The following ANKRD12 variants were observed in gnomAD, a reference collection of about 807,000 sequenced individuals.
ANKRD12 encodes ankyrin repeat domain-containing protein 12.
A neutral mutation model predicts 183.4 loss-of-function variants in ANKRD12; 85 were observed. That is an observed-to-expected ratio of 0.46 (90% CI 0.39 to 0.56). The LOEUF is 0.56. ANKRD12 is among the 20% of genes least tolerant of loss of function. The pLI is 0.00. For synonymous variants in ANKRD12, 914 were observed against 800.2 expected (o/e 1.14, Z -2.40); for missense variants, 2,405 against 2,357.1 (o/e 1.02, Z -0.42).
intron 8 of ANKRD12, among the ~76,000 whole-genome samples, chr18:9,244,447 G>T (rs1376058156): frequency 2.6e-5 from 4 of 152,024 alleles, no homozygotes; most frequent in Non-Finnish European, 5.9e-5. Flanking sequence ...AGCTTCCTGA[G>T]TAGCTGGGAC....
At chr18:9,171,919 C>A (rs1465066612) in intron 1 of ANKRD12, among the ~76,000 whole-genome samples, 3 of 151,260 alleles carry the variant, frequency 2.0e-5, no homozygotes, top group African/African-American at 7.3e-5. Context: ...ACTTGGGAGG[C>A]TGAGGCAGGA....
Position 9,282,554 on chromosome 18 carries a change from T to C in ANKRD12, c.*1428T>C, listed in dbSNP as rs2040138344. On this transcript the variant is annotated 3_prime_UTR_variant, in exon 13 of 13. Coordinates refer to ENST00000262126, the MANE Select transcript of ANKRD12 (RefSeq NM_015208.5). ...GTCTGAAATCTGCTGCTGAACTTGT[T>C]AGACATTTTTGAAAGGAAAATTAGG... is the stretch of plus-strand genomic sequence containing the variant. 6.6e-6 allele frequency: 1 copy of C among 152,568 alleles called. No homozygotes were observed. The highest frequency in any genetic ancestry group is 1.5e-5 in the Non-Finnish European group (1 of 67,986). 9.5% of individuals were successfully genotyped at this position (152,568 alleles called of 1,614,324 possible). A position where few individuals can be genotyped will look rare whatever the true frequency, so the allele number is the denominator to read the frequency against.
intron 8 of ANKRD12, among the ~76,000 whole-genome samples, chr18:9,247,069 C>G (rs1241685720): frequency 1.3e-5 from 2 of 152,114 alleles, no homozygotes; most frequent in African/African-American, 2.4e-5. Flanking sequence ...TTGAAGTGTG[C>G]CAAGACAGTT....
intron 3 of ANKRD12, among the ~76,000 whole-genome samples, chr18:9,201,211 A>C (rs2035145428): frequency 6.6e-6 from 1 of 152,216 alleles, no homozygotes; most frequent in Non-Finnish European, 1.5e-5. Context: ...ATAAAGTGTA[A>C]TCAGTAACTG....
chr18:9,240,105 A>G (rs1396494836), intron 8 of ANKRD12, among the ~76,000 whole-genome samples: 1 of 152,192 alleles, frequency 6.6e-6, no homozygotes, highest in Non-Finnish European at 1.5e-5. Context: ...GTTTGGTACC[A>G]GCTCTTTATT....
At chr18:9,216,386 G>A (rs1187406606) in intron 6 of ANKRD12, among the ~76,000 whole-genome samples, 2 of 152,148 alleles carry the variant, frequency 1.3e-5, no homozygotes, top group Non-Finnish European at 2.9e-5. Context: ...TTTATTGTAA[G>A]AGTACAGTAT....
Position 9,211,574 on chromosome 18 carries a change from T to A in ANKRD12, c.452-10T>A, listed in dbSNP as rs767707285. On this transcript the variant is annotated splice_polypyrimidine_tract_variant and intron_variant, in intron 5 of 12. Coordinates refer to ENST00000262126, the MANE Select transcript of ANKRD12 (RefSeq NM_015208.5). ...CCTAGAACTTCTGCTAACTTTCTTCTTTCTTACAGATTCCACACCAAATCA... is the reference window on the plus strand; with the variant it reads ...CCTAGAACTTCTGCTAACTTTCTTCATTCTTACAGATTCCACACCAAATCA... 1.2e-5 allele frequency: 20 copies of A among 1,612,296 alleles called. No homozygotes were observed. The South Asian group carries it at 2.2e-4, about 18-fold the overall frequency.
chr18:9,182,370 T>A lies in ANKRD12; in HGVS notation c.-51-12T>A. 9.2e-7 allele frequency: 1 copy of A among 1,081,322 alleles called. No homozygotes were observed. The highest frequency in any genetic ancestry group is 1.4e-6 in the Non-Finnish European group (1 of 734,450). The allele number at this position is 1,081,322 out of a possible 1,614,324, so 67.0% of individuals were successfully genotyped here. A position where few individuals can be genotyped will look rare whatever the true frequency, so the allele number is the denominator to read the frequency against. On this transcript the variant is annotated splice_polypyrimidine_tract_variant and intron_variant, in intron 1 of 12. Transcript: ENST00000262126. ...TATATTCAAATAACCCTTATATATC[T>A]ATTCTTTACAGATCCAGGATGAGAA... is the stretch of plus-strand genomic sequence containing the variant.
At chr18:9,228,591 A>G (rs972957007) in intron 8 of ANKRD12, among the ~76,000 whole-genome samples, 3 of 152,018 alleles carry the variant, frequency 2.0e-5, no homozygotes, top group Non-Finnish European at 2.9e-5. Context: ...ATTTTTTCAT[A>G]TATTAGCCAT....
At position 9,254,207 on chromosome 18, in the gene ANKRD12, C is replaced by T. The variant is rs1255085373; in HGVS notation, c.944-4C>T. On this transcript the variant is annotated splice_region_variant and splice_polypyrimidine_tract_variant and intron_variant, in intron 8 of 12. Coordinates refer to ENST00000262126, the MANE Select transcript of ANKRD12 (RefSeq NM_015208.5). ...CACACCACATTTTCTTTTTTTTATT[C>T]TAGATTCCGAAGAGGCTCAATCTGT... is the stretch of plus-strand genomic sequence containing the variant. 12 of 1,487,300 alleles carry T rather than the reference C, an allele frequency of 8.1e-6. No homozygotes were observed. The highest frequency in any genetic ancestry group is 2.4e-5 in the East Asian group (1 of 40,862). The allele number at this position is 1,487,300 out of a possible 1,614,324, so 92.1% of individuals were successfully genotyped here. A position where few individuals can be genotyped will look rare whatever the true frequency, so the allele number is the denominator to read the frequency against.
At chr18:9,251,661 G>A (rs534057379) in intron 8 of ANKRD12, among the ~76,000 whole-genome samples, 3 of 152,200 alleles carry the variant, frequency 2.0e-5, no homozygotes, top group African/African-American at 7.2e-5. Context: ...ATGCGTGGTG[G>A]CAGGCGCCTG....
intron 1 of ANKRD12, among the ~76,000 whole-genome samples, chr18:9,149,025 C>G (rs1323603031): frequency 6.6e-6 from 1 of 152,084 alleles, no homozygotes; most frequent in Non-Finnish European, 1.5e-5. Flanking sequence ...CACACCAGCC[C>G]CATCTATATC....
intron 5 of ANKRD12, 97 bp downstream of exon 5, chr18:9,208,900 A>G: frequency 8.3e-7 from 1 of 1,202,046 alleles, no homozygotes; most frequent in Middle Eastern, 2.0e-4. Flanking sequence ...TTTAATTTTT[A>G]TTCTTTCTTG....
In ANKRD12 at chr18:9,251,224, A is replaced by T. The variant is rs187337835; in HGVS notation, c.944-2987A>T. On this transcript the variant is annotated intron_variant, in intron 8 of 12. Coordinates refer to ENST00000262126, the MANE Select transcript of ANKRD12 (RefSeq NM_015208.5). ...TTTTTTAAGAGATTTTGAGGGAGGGATTTCCACTATATACTGTTATCTCCC... is the reference window on the plus strand; with the variant it reads ...TTTTTTAAGAGATTTTGAGGGAGGGTTTTCCACTATATACTGTTATCTCCC... Among the ~76,000 whole-genome samples the T allele has an allele frequency of 3.8e-4, 58 of 152,194 alleles. No homozygotes were observed. In the Middle Eastern group the frequency reaches 0.021, roughly 54 times the overall value.
At chr18:9,215,328 A>C (rs2036034519) in intron 6 of ANKRD12, among the ~76,000 whole-genome samples, 1 of 152,118 alleles carries the variant, frequency 6.6e-6, no homozygotes, top group African/African-American at 2.4e-5. Context: ...TGAAGGGAAA[A>C]GGTAAACCCA....
chr18:9,220,910 T>C (rs1893729291), intron 7 of ANKRD12, among the ~76,000 whole-genome samples: 1 of 152,116 alleles, frequency 6.6e-6, no homozygotes, highest in Non-Finnish European at 1.5e-5. Context: ...TTCCATAAGA[T>C]TGATGGTAGC....
At chr18:9,203,959 C>G (rs2035332815) in intron 3 of ANKRD12, among the ~76,000 whole-genome samples, 2 of 152,170 alleles carry the variant, frequency 1.3e-5, no homozygotes, top group South Asian at 4.1e-4. Context: ...TACTTTCTTT[C>G]CAGACGGTCT....
At chr18:9,280,214 C>T (rs192611648) in intron 12 of ANKRD12, among the ~76,000 whole-genome samples, 51 of 152,266 alleles carry the variant, frequency 3.3e-4, no homozygotes, top group African/African-American at 1.2e-3. Context: ...ATTAGATTCT[C>T]ATAAGGAGCA....
chr18:9,157,585 G>GTATATATATA lies in ANKRD12; in HGVS notation c.-52+20626_-52+20635dup, dbSNP rs1380048925. Among the ~76,000 whole-genome samples the GTATATATATA allele has an allele frequency of 1.7e-3, 154 of 92,664 alleles. 1 individual carries two copies. Among genetic ancestry groups the GTATATATATA allele is most frequent in the African/African-American group, 7.7e-3 (147 of 19,026 alleles). The allele number at this position is 92,664 out of a possible 152,430, so 60.8% of individuals were successfully genotyped here. ...TGTGTGTGTGTGTGTGTGTGTGTGT[G>GTATATATATA]TATATATATATATATGTATTTTTTT... is the stretch of plus-strand genomic sequence containing the variant. On this transcript the variant is annotated intron_variant, in intron 1 of 12. Coordinates refer to ENST00000262126, the MANE Select transcript of ANKRD12 (RefSeq NM_015208.5).
Sources: gnomAD v4.1 joint callset for allele counts (sites outside exome capture counted in the v4.1 genomes callset) on GRCh38, gnomAD v4.1.1 for gene constraint, MANE v1.5 for transcripts, NCBI Gene and HGNC (gene_info 2026-07-23, HGNC 2026-07-21) for gene names.